Variants in CACHD1 observed in about 807,000 individuals in gnomAD.
CACHD1 encodes cache domain containing 1.
In CACHD1, 71 loss-of-function variants were observed where a neutral mutation model predicts 138.7. The observed-to-expected ratio is 0.51, with a 90% CI of 0.42 to 0.62. CACHD1 has a LOEUF of 0.62. Ranked by LOEUF, CACHD1 falls within the 20% of genes least tolerant of loss-of-function variation. The probability of loss-of-function intolerance (pLI) is 0.00; values close to 1 mark genes in which losing one functional copy is unlikely to be tolerated. For synonymous variants in CACHD1, 578 were observed against 591.5 expected (o/e 0.98, Z 0.33); for missense variants, 1,389 against 1,625.3 (o/e 0.85, Z 2.50).
intron 2 of CACHD1, among the ~76,000 whole-genome samples, chr1:64,556,790 T>C (rs561280347): frequency 3.7e-4 from 56 of 152,330 alleles, no homozygotes; most frequent in Admixed American, 2.1e-3. Context: ...AAAGAAACTA[T>C]GGCAACAGCC....
intron 11 of CACHD1, among the ~76,000 whole-genome samples, 170 bp downstream of exon 11, chr1:64,654,051 A>G (rs1649188225): frequency 6.6e-6 from 1 of 152,198 alleles, no homozygotes. Flanking sequence ...GATTTTGCTT[A>G]CTTTGTATCA....
At chr1:64,561,279 C>A (rs1646837134) in intron 2 of CACHD1, among the ~76,000 whole-genome samples, 1 of 151,606 alleles carries the variant, frequency 6.6e-6, no homozygotes, top group South Asian at 2.1e-4. Context: ...AGGTTCATTT[C>A]TCTAACGCTA....
intron 1 of CACHD1, among the ~76,000 whole-genome samples, chr1:64,505,594 C>CCTCCCT (rs879257642): frequency 0.069 from 9,033 of 130,830 alleles, 419 homozygotes; most frequent in East Asian, 0.14. Context: ...CGCCCCTCCC[C>CCTCCCT]CTCCCTGGGC....
chr1:64,563,935 A>AG (rs1401507543), intron 2 of CACHD1: 1 of 152,216 alleles, frequency 6.6e-6, no homozygotes, highest in Non-Finnish European at 1.5e-5. Flanking sequence ...ACTCTGTAGT[A>AG]GGCATTCAGT....
intron 3 of CACHD1, among the ~76,000 whole-genome samples, chr1:64,597,320 T>G (rs1433175310): frequency 6.6e-6 from 1 of 152,012 alleles, no homozygotes; most frequent in East Asian, 1.9e-4. Flanking sequence ...TGCAGCCTGA[T>G]GGGAATTAAA....
intron 2 of CACHD1, among the ~76,000 whole-genome samples, chr1:64,555,397 C>T (rs1004708220): frequency 1.3e-5 from 2 of 152,130 alleles, no homozygotes; most frequent in African/African-American, 2.4e-5. Flanking sequence ...AAACTTCTGC[C>T]TCTCTCACTT....
intron 7 of CACHD1, among the ~76,000 whole-genome samples, chr1:64,637,493 G>A (rs2100651665): frequency 6.6e-6 from 1 of 152,334 alleles, no homozygotes; most frequent in East Asian, 1.9e-4. Flanking sequence ...CTTTAAAACT[G>A]TGAATAGAGA....
chr1:64,640,501 C>A (rs1019660346), intron 7 of CACHD1, among the ~76,000 whole-genome samples: 1 of 151,942 alleles, frequency 6.6e-6, no homozygotes, highest in Admixed American at 6.6e-5. Context: ...CATGGTGAAA[C>A]CCCATCTCTA....
At chr1:64,521,461 TATA>T (rs1231856114) in intron 1 of CACHD1, among the ~76,000 whole-genome samples, 1 of 152,238 alleles carries the variant, frequency 6.6e-6, no homozygotes, top group Non-Finnish European at 1.5e-5. Context: ...ATGTAACATA[TATA>T]ATATGTGGTC....
intron 2 of CACHD1, among the ~76,000 whole-genome samples, chr1:64,564,829 A>G (rs990902088): frequency 1.3e-5 from 2 of 152,152 alleles, no homozygotes; most frequent in Non-Finnish European, 2.9e-5. Flanking sequence ...CATTTGTATT[A>G]CTTTTGTATT....
At position 64,498,660 on chromosome 1, in the gene CACHD1, C is replaced by T. The variant is rs305563; in HGVS notation, c.198+27718C>T. Among the ~76,000 whole-genome samples, 164 of 152,258 alleles carry T rather than the reference C, an allele frequency of 1.1e-3. 1 individual carries two copies. Among genetic ancestry groups the T allele is most frequent in the African/African-American group, 3.6e-3 (150 of 41,554 alleles). ...GTGAAAAAAGATTGAGTCTCAAGCC[C>T]CAGCTTCTTGGTTTTCAAGTCTTGC... On this transcript the variant is annotated intron_variant, in intron 1 of 26. Coordinates refer to ENST00000651257, the MANE Select transcript of CACHD1 (RefSeq NM_020925.4).
At chr1:64,658,616 T>C in intron 12 of CACHD1, 89 bp from the exon 13 acceptor site, 1 of 879,682 alleles carries the variant, frequency 1.1e-6, no homozygotes. Flanking sequence ...AGATAGAAGG[T>C]AGAGGCAGTA....
intron 16 of CACHD1, among the ~76,000 whole-genome samples, chr1:64,666,371 T>A (rs1649633563): frequency 6.6e-6 from 1 of 152,200 alleles, no homozygotes; most frequent in Admixed American, 6.5e-5. Flanking sequence ...GAATGATACC[T>A]ACCTCACATG....
intron 5 of CACHD1, among the ~76,000 whole-genome samples, chr1:64,631,936 C>G (rs181967777): frequency 1.3e-5 from 2 of 152,012 alleles, no homozygotes; most frequent in African/African-American, 4.8e-5. Context: ...TAGCAGGAGC[C>G]TTTGTATGAG....
chr1:64,533,812 G>T (rs1036096753), intron 1 of CACHD1, among the ~76,000 whole-genome samples: 2 of 148,948 alleles, frequency 1.3e-5, no homozygotes, highest in African/African-American at 2.5e-5. Context: ...GAGTGCAGTG[G>T]CATGATCTCG....
chr1:64,573,978 A>G (rs1646946855), intron 2 of CACHD1, among the ~76,000 whole-genome samples: 1 of 152,222 alleles, frequency 6.6e-6, no homozygotes. Flanking sequence ...AGGTAAGAAC[A>G]AGAACAGTGT....
intron 1 of CACHD1, among the ~76,000 whole-genome samples, chr1:64,513,359 G>A (rs1646436089): frequency 6.6e-6 from 1 of 152,174 alleles, no homozygotes; most frequent in Non-Finnish European, 1.5e-5. Context: ...CTGTTCTAAG[G>A]TGAAACACTG....
In CACHD1 at chr1:64,641,843, C is replaced by A; in HGVS notation, c.1030C>A (p.Leu344Met). Residue 344 changes from leucine to methionine, a missense_variant, in exon 8 of 27, where the codon CTG (leucine) becomes ATG (methionine). This residue lies in a region of CACHD1 where 1,000 missense variants were observed against 1,114.7 expected (regional missense o/e 0.90). Coordinates refer to ENST00000651257, the MANE Select transcript of CACHD1 (RefSeq NM_020925.4). ...AGATACAGACATGGTCATCATTTAC[C>A]TGTCAGCTGGCATTACATCAAAGGA... ...QANTDMVIIY[L>M]SAGITSKDSS... is the part of the protein sequence containing the mutation. 2 of 1,563,410 alleles carry A rather than the reference C, an allele frequency of 1.3e-6. No homozygotes were observed. Among genetic ancestry groups the A allele is most frequent in the South Asian group, 1.2e-5 (1 of 84,376 alleles).
At chr1:64,619,591 A>G (rs921302664) in intron 4 of CACHD1, among the ~76,000 whole-genome samples, 2 of 152,188 alleles carry the variant, frequency 1.3e-5, no homozygotes, top group Non-Finnish European at 1.5e-5. Flanking sequence ...GGGCAAAAGC[A>G]TCTTGGAATG....
Sources: allele counts gnomAD v4.1 joint callset (sites outside exome capture counted in the v4.1 genomes callset), GRCh38; gene constraint gnomAD v4.1.1; regional missense constraint gnomAD v4.1.1; transcripts MANE v1.5; gene names NCBI Gene and HGNC (gene_info 2026-07-23, HGNC 2026-07-21).